Variants in PRRC1 observed in about 807,000 individuals in gnomAD.
The protein encoded by PRRC1 is protein PRRC1.
In PRRC1, 39 loss-of-function variants were observed where a neutral mutation model predicts 40.7. The ratio of observed to expected loss-of-function variants is 0.96; its 90% CI spans 0.74 to 1.25. The LOEUF is 1.25. Ranked by LOEUF, PRRC1 falls within the 50% of genes most tolerant of loss-of-function variation. PRRC1 has a pLI of 0.00. For synonymous variants in PRRC1, 175 were observed against 193.3 expected, an observed-to-expected ratio of 0.91 and a Z score of 0.79; for missense variants, 573 against 548.3, an observed-to-expected ratio of 1.05 and a Z score of -0.45.
Position 127,554,021 on chromosome 5 carries a change from T to C in PRRC1, c.*2105T>C. The C allele has an allele frequency of 1.1e-6, 1 of 913,154 alleles. No homozygotes were observed. Among genetic ancestry groups the C allele is most frequent in the Non-Finnish European group, 1.6e-6 (1 of 631,816 alleles). The allele number at this position is 913,154 out of a possible 1,614,324, so 56.6% of individuals were successfully genotyped here. A position where few individuals can be genotyped will look rare whatever the true frequency, so the allele number is the denominator to read the frequency against. ...TTTTTGAAAAGCAGCGGAGCATGAC[T>C]GACTTCACATGCTCAGCTTTCTCAG... On this transcript the variant is annotated 3_prime_UTR_variant, in exon 9 of 9. Coordinates refer to ENST00000296666, the MANE Select transcript of PRRC1 (RefSeq NM_130809.5).
intron 3 of PRRC1, among the ~76,000 whole-genome samples, chr5:127,525,626 C>T (rs13360173): frequency 0.038 from 5,839 of 152,184 alleles, 153 homozygotes; most frequent in Non-Finnish European, 0.055. Context: ...TAGCAGTGGG[C>T]GGGGTCCCAC....
chr5:127,543,152 G>A (rs2127111129), intron 7 of PRRC1, among the ~76,000 whole-genome samples: 1 of 152,214 alleles, frequency 6.6e-6, no homozygotes, highest in Non-Finnish European at 1.5e-5. Context: ...GGCTGGATAT[G>A]AAATTCTGGG....
At chr5:127,532,259 C>T (rs1767795172) in intron 5 of PRRC1, among the ~76,000 whole-genome samples, 1 of 151,994 alleles carries the variant, frequency 6.6e-6, no homozygotes, top group Non-Finnish European at 1.5e-5. Context: ...CAGGTGCACG[C>T]CACCATGCCC....
chr5:127,547,692 G>T (rs1159146000), intron 7 of PRRC1, 127 bp from the exon 8 acceptor site: 2 of 520,902 alleles, frequency 3.8e-6, no homozygotes, highest in Non-Finnish European at 3.3e-6. Flanking sequence ...TTGCAAGTTG[G>T]TAAGAAAAAG....
chr5:127,540,771 G>A (rs572241185), intron 7 of PRRC1, among the ~76,000 whole-genome samples: 31 of 152,110 alleles, frequency 2.0e-4, no homozygotes, highest in African/African-American at 6.5e-4. Context: ...CATGTCCTTC[G>A]CCCACTTTTT....
At position 127,553,823 on chromosome 5, in the gene PRRC1, GAGC is replaced by G; in HGVS notation, c.*1910_*1912del. The G allele has an allele frequency of 6.5e-7, 1 of 1,535,660 alleles. No individual in the cohort carries two copies. The highest frequency in any genetic ancestry group is 8.7e-7 in the Non-Finnish European group (1 of 1,146,618). On this transcript the variant is annotated 3_prime_UTR_variant, in exon 9 of 9. Coordinates refer to ENST00000296666, the MANE Select transcript of PRRC1 (RefSeq NM_130809.5). ...TGATTATTTTCCTAGAATCCCCAAA[GAGC>G]AGTGGCAGTCCATGGCTTGGTTGAA... is the stretch of plus-strand genomic sequence containing the variant.
At position 127,553,226 on chromosome 5, in the gene PRRC1, G is replaced by T. The variant is rs10055438; in HGVS notation, c.*1310G>T. On this transcript the variant is annotated 3_prime_UTR_variant, in exon 9 of 9. Coordinates refer to ENST00000296666, the MANE Select transcript of PRRC1 (RefSeq NM_130809.5). ...AGCTCTTGTCCTGCACTGTCTTTAG[G>T]TATCATAGGTATCAGGTTTGCTTTG... 0.055 allele frequency: 54,500 copies of T among 985,472 alleles called. 2,244 individuals carry two copies. The highest frequency in any genetic ancestry group is 0.2 in the African/African-American group (11,687 of 57,196). 61.0% of individuals were successfully genotyped at this position (985,472 alleles called of 1,614,324 possible).
chr5:127,553,816 C>T lies in PRRC1; in HGVS notation c.*1900C>T. The T allele has an allele frequency of 9.8e-6, 15 of 1,535,548 alleles. No homozygotes were observed. The highest frequency in any genetic ancestry group is 1.2e-5 in the Non-Finnish European group (14 of 1,146,554). The stretch of plus-strand genomic sequence containing the variant: ...CATTAGATGATTATTTTCCTAGAAT[C>T]CCCAAAGAGCAGTGGCAGTCCATGG... On this transcript the variant is annotated 3_prime_UTR_variant, in exon 9 of 9. Coordinates refer to ENST00000296666, the MANE Select transcript of PRRC1 (RefSeq NM_130809.5).
At chr5:127,518,388 T>C (rs1171537838) in intron 1 of PRRC1, among the ~76,000 whole-genome samples, 1 of 152,372 alleles carries the variant, frequency 6.6e-6, no homozygotes, top group East Asian at 1.9e-4. Flanking sequence ...TCTTGGGACC[T>C]GCTTCAGGCA....
chr5:127,545,767 C>CT (rs1768200352), intron 7 of PRRC1, among the ~76,000 whole-genome samples: 2 of 151,050 alleles, frequency 1.3e-5, no homozygotes, highest in South Asian at 2.1e-4. Flanking sequence ...TACCCTAAAA[C>CT]TTAAAGTATA....
In PRRC1 at chr5:127,553,976, G is replaced by T; in HGVS notation, c.*2060G>T. The T allele has an allele frequency of 6.9e-7, 1 of 1,451,564 alleles. No individual in the cohort carries two copies. Among genetic ancestry groups the T allele is most frequent in the Non-Finnish European group, 9.2e-7 (1 of 1,089,034 alleles). 89.9% of individuals were successfully genotyped at this position (1,451,564 alleles called of 1,614,324 possible). ...TACATGAACTGCTCTGGCCTCTCTG[G>T]TTCTGTTCTTGGCCCAGAGTTTTTG... On this transcript the variant is annotated 3_prime_UTR_variant, in exon 9 of 9. Coordinates refer to ENST00000296666, the MANE Select transcript of PRRC1 (RefSeq NM_130809.5).
At chr5:127,545,834 A>G (rs1306312176) in intron 7 of PRRC1, among the ~76,000 whole-genome samples, 1 of 151,692 alleles carries the variant, frequency 6.6e-6, no homozygotes, top group Non-Finnish European at 1.5e-5. Context: ...TGTGAAGATA[A>G]TATGTTGTTT....
chr5:127,554,801 GT>G lies in PRRC1; in HGVS notation c.*2887del, dbSNP rs1175661310. On this transcript the variant is annotated 3_prime_UTR_variant, in exon 9 of 9. Coordinates refer to ENST00000296666, the MANE Select transcript of PRRC1 (RefSeq NM_130809.5). ...TATACATCCATTCAAAATTATGCAAGTTAGTAATTACTCAGGGTTAACTAAA... is the reference window on the plus strand; with the variant it reads ...TATACATCCATTCAAAATTATGCAAGTAGTAATTACTCAGGGTTAACTAAA... 2 of 152,592 alleles carry G rather than the reference GT, an allele frequency of 1.3e-5. No individual in the cohort carries two copies. The highest frequency in any genetic ancestry group is 2.9e-5 in the Non-Finnish European group (2 of 68,036). 9.5% of individuals were successfully genotyped at this position (152,592 alleles called of 1,614,324 possible). A position where few individuals can be genotyped will look rare whatever the true frequency, so the allele number is the denominator to read the frequency against.
chr5:127,553,015 C>A lies in PRRC1; in HGVS notation c.*1099C>A. 1.3e-6 allele frequency: 1 copy of A among 741,610 alleles called. No homozygotes were observed. Among genetic ancestry groups the A allele is most frequent in the Non-Finnish European group, 1.6e-6 (1 of 608,464 alleles). 45.9% of individuals were successfully genotyped at this position (741,610 alleles called of 1,614,324 possible). ...AATAATATATTATATCATTTTTGGA[C>A]TTATATAAATGATAATTAAATAAAT... On this transcript the variant is annotated 3_prime_UTR_variant, in exon 9 of 9. Coordinates refer to ENST00000296666, the MANE Select transcript of PRRC1 (RefSeq NM_130809.5).
At chr5:127,549,176 A>G (rs527457387) in intron 8 of PRRC1, 3 of 151,932 alleles carry the variant, frequency 2.0e-5, no homozygotes, top group African/African-American at 2.4e-5. Context: ...AAAATCACTG[A>G]GTACCAATGG....
intron 5 of PRRC1, 22 bp from the exon 6 acceptor site, chr5:127,533,601 A>G: frequency 6.3e-7 from 1 of 1,596,280 alleles, no homozygotes; most frequent in Non-Finnish European, 8.5e-7. Flanking sequence ...TTGAAAGTTA[A>G]ATTTTCCTCT....
intron 7 of PRRC1, among the ~76,000 whole-genome samples, chr5:127,545,916 T>TTTGC (rs35258721): frequency 7.8e-4 from 118 of 151,826 alleles, no homozygotes; most frequent in Non-Finnish European, 1.4e-3. Context: ...ATTATATGTA[T>TTTGC]TTGCTTGCTT....
intron 8 of PRRC1, 120 bp from the exon 9 acceptor site, chr5:127,551,587 T>C (rs993558732): frequency 3.2e-5 from 34 of 1,049,184 alleles, no homozygotes; most frequent in Non-Finnish European, 4.6e-5. Context: ...GCTGTATTTC[T>C]CAGAGTTTGT....
chr5:127,546,113 G>GT (rs1304233548), intron 7 of PRRC1, among the ~76,000 whole-genome samples: 1 of 152,038 alleles, frequency 6.6e-6, no homozygotes. Flanking sequence ...ACATTGTCAG[G>GT]TTTTTTCCCC....
Sources: allele counts gnomAD v4.1 joint callset (sites outside exome capture counted in the v4.1 genomes callset), GRCh38; gene constraint gnomAD v4.1.1; transcripts MANE v1.5; gene names NCBI Gene and HGNC (gene_info 2026-07-23, HGNC 2026-07-21).